The following KIF16B variants were observed in gnomAD, a reference collection of about 807,000 sequenced individuals.
The protein encoded by KIF16B is kinesin family member 16B.
KIF16B carries 98 observed loss-of-function variants against 156.3 expected under a neutral mutation model. That is an observed-to-expected ratio of 0.63 (90% confidence interval 0.53 to 0.74). KIF16B has a LOEUF of 0.74. Among genes scored for constraint, KIF16B ranks in the 30% least tolerant of loss-of-function variants. The pLI, the probability that KIF16B is intolerant of heterozygous loss-of-function variation, is 0.00. For missense variants in KIF16B, 1,421 were observed against 1,606.5 expected, an observed-to-expected ratio of 0.88 and a Z score of 1.97; for synonymous variants, 564 against 583.7, an observed-to-expected ratio of 0.97 and a Z score of 0.49.
chr20:16,469,473 TA>T (rs1166630004), intron 12 of KIF16B, among the ~76,000 whole-genome samples: 1 of 150,476 alleles, frequency 6.6e-6, no homozygotes, highest in African/African-American at 2.5e-5. Context: ...AAAATTTGCA[TA>T]ATGCAGTAAA....
intron 22 of KIF16B, among the ~76,000 whole-genome samples, chr20:16,362,781 G>A (rs2064575555): frequency 6.6e-6 from 1 of 152,114 alleles, no homozygotes; most frequent in African/African-American, 2.4e-5. Context: ...AATATCAAAA[G>A]GAACAAAATA....
intron 12 of KIF16B, among the ~76,000 whole-genome samples, chr20:16,484,968 G>C (rs2068076300): frequency 6.6e-6 from 1 of 152,174 alleles, no homozygotes; most frequent in Non-Finnish European, 1.5e-5. Flanking sequence ...TGATCTGCCT[G>C]TACTCATTCC....
intron 12 of KIF16B, among the ~76,000 whole-genome samples, chr20:16,452,651 C>T (rs1016847992): frequency 2.6e-5 from 4 of 151,848 alleles, no homozygotes; most frequent in African/African-American, 7.3e-5. Context: ...CTGGCTAACA[C>T]AGTGGAACCC....
At chr20:16,281,308 C>T (rs79118124) in intron 25 of KIF16B, among the ~76,000 whole-genome samples, 1 of 152,102 alleles carries the variant, frequency 6.6e-6, no homozygotes, top group African/African-American at 2.4e-5. Context: ...ACGGTGGCGG[C>T]TTAAAGACAA....
chr20:16,498,051 G>A (rs1030032941), intron 10 of KIF16B, among the ~76,000 whole-genome samples: 4 of 152,226 alleles, frequency 2.6e-5, no homozygotes, highest in South Asian at 2.1e-4. Context: ...TTGCTTAACC[G>A]CAGGCTTCTG....
intron 25 of KIF16B, among the ~76,000 whole-genome samples, chr20:16,299,226 G>A (rs548485308): frequency 1.2e-4 from 18 of 152,048 alleles, no homozygotes; most frequent in Non-Finnish European, 2.2e-4. Context: ...ATGTGTGCGT[G>A]TGTGTGTGTA....
At chr20:16,495,699 T>C (rs2146944434) in intron 11 of KIF16B, among the ~76,000 whole-genome samples, 1 of 152,276 alleles carries the variant, frequency 6.6e-6, no homozygotes, top group East Asian at 1.9e-4. Context: ...TCTTTGGTTT[T>C]GTTTTTTAGA....
chr20:16,477,053 C>A (rs903096345), intron 12 of KIF16B, among the ~76,000 whole-genome samples: 4 of 152,042 alleles, frequency 2.6e-5, no homozygotes, highest in Non-Finnish European at 5.9e-5. Context: ...GGCCTGGATA[C>A]CGTTTTTAAA....
chr20:16,484,266 G>T (rs2068057467), intron 12 of KIF16B, among the ~76,000 whole-genome samples: 1 of 152,178 alleles, frequency 6.6e-6, no homozygotes, highest in South Asian at 2.1e-4. Context: ...GATGAGAACT[G>T]CAATGGAAAA....
intron 22 of KIF16B, among the ~76,000 whole-genome samples, chr20:16,361,866 T>C (rs934394463): frequency 4.6e-5 from 7 of 152,216 alleles, no homozygotes; most frequent in Non-Finnish European, 2.9e-5. Flanking sequence ...GTTTCAAGGT[T>C]TGGAAATATT....
At chr20:16,502,757 A>G (rs2068662581) in intron 10 of KIF16B, among the ~76,000 whole-genome samples, 1 of 152,228 alleles carries the variant, frequency 6.6e-6, no homozygotes, top group Admixed American at 6.5e-5. Flanking sequence ...AATTTTAAAA[A>G]GATAATATTT....
intron 1 of KIF16B, among the ~76,000 whole-genome samples, chr20:16,543,788 A>G (rs181871910): frequency 5.3e-5 from 8 of 152,330 alleles, no homozygotes; most frequent in African/African-American, 1.9e-4. Flanking sequence ...TGGACTTGGA[A>G]GAAGGAGACT....
chr20:16,289,741 T>A (rs1008654063), intron 25 of KIF16B, among the ~76,000 whole-genome samples: 1 of 152,174 alleles, frequency 6.6e-6, no homozygotes, highest in Non-Finnish European at 1.5e-5. Flanking sequence ...CTCGGGAGGC[T>A]GAGGCAGGAG....
At chr20:16,502,502 C>A (rs542775998) in intron 10 of KIF16B, among the ~76,000 whole-genome samples, 1 of 152,006 alleles carries the variant, frequency 6.6e-6, no homozygotes, top group Admixed American at 6.6e-5. Context: ...ATCTGCAATG[C>A]GTTCTGAAAT....
At chr20:16,477,293 T>C (rs2067847676) in intron 12 of KIF16B, among the ~76,000 whole-genome samples, 1 of 151,654 alleles carries the variant, frequency 6.6e-6, no homozygotes, top group Non-Finnish European at 1.5e-5. Context: ...CTATGTTCTA[T>C]GAAGATGATG....
At chr20:16,547,023 G>A (rs550945647) in intron 1 of KIF16B, among the ~76,000 whole-genome samples, 27 of 152,174 alleles carry the variant, frequency 1.8e-4, no homozygotes, top group Middle Eastern at 3.4e-3. Flanking sequence ...GGGATCTGCC[G>A]GCCTCGGTCT....
At chr20:16,553,789 C>A (rs1455792717) in intron 1 of KIF16B, among the ~76,000 whole-genome samples, 2 of 152,164 alleles carry the variant, frequency 1.3e-5, no homozygotes, top group African/African-American at 2.4e-5. Context: ...GGGGGAGGTG[C>A]AGCTGGGCTG....
intron 17 of KIF16B, among the ~76,000 whole-genome samples, chr20:16,397,519 G>T (rs1366721617): frequency 6.6e-6 from 1 of 152,130 alleles, no homozygotes; most frequent in Non-Finnish European, 1.5e-5. Context: ...TTTTAGACAT[G>T]GGCTGTTTAG....
chr20:16,294,609 G>C (rs1180910359), intron 25 of KIF16B, among the ~76,000 whole-genome samples: 1 of 152,132 alleles, frequency 6.6e-6, no homozygotes, highest in Admixed American at 6.5e-5. Context: ...CCAGCCTTTG[G>C]GACTGCCTGG....
Sources: allele counts gnomAD v4.1 joint callset (sites outside exome capture counted in the v4.1 genomes callset), GRCh38; gene constraint gnomAD v4.1.1; transcripts MANE v1.5; gene names NCBI Gene and HGNC (gene_info 2026-07-23, HGNC 2026-07-21).